The following LUZP2 variants were observed in gnomAD, a reference collection of about 807,000 sequenced individuals.
LUZP2 encodes leucine zipper protein 2.
LUZP2 carries 52 observed loss-of-function variants against 51.6 expected under a neutral mutation model. The observed-to-expected ratio is 1.01, with a 90% CI of 0.81 to 1.27. The LOEUF (loss-of-function observed/expected upper bound fraction) is 1.27. LUZP2 is among the 50% of genes most tolerant of loss of function. The probability of loss-of-function intolerance (pLI) is 0.00; values close to 1 mark genes in which losing one functional copy is unlikely to be tolerated. For synonymous variants in LUZP2, 154 were observed against 137.3 expected (o/e 1.12, Z -0.85); for missense variants, 436 against 395.4 (o/e 1.10, Z -0.87).
intron 9 of LUZP2, among the ~76,000 whole-genome samples, chr11:25,012,475 T>C (rs1857014454): frequency 6.6e-6 from 1 of 152,186 alleles, no homozygotes; most frequent in South Asian, 2.1e-4. Context: ...GATGCATTTT[T>C]ACTTCCTTCT....
intron 9 of LUZP2, among the ~76,000 whole-genome samples, chr11:24,985,411 T>G (rs1423296711): frequency 6.6e-6 from 1 of 151,682 alleles, no homozygotes; most frequent in Non-Finnish European, 1.5e-5. Context: ...ATAATATTCT[T>G]TCGAATATAT....
intron 5 of LUZP2, among the ~76,000 whole-genome samples, chr11:24,882,258 T>C (rs1042594662): frequency 6.6e-6 from 1 of 152,060 alleles, no homozygotes; most frequent in Non-Finnish European, 1.5e-5. Flanking sequence ...TTTTTAAAGT[T>C]CACAAGGTTT....
intron 5 of LUZP2, among the ~76,000 whole-genome samples, chr11:24,769,112 T>TTAA (rs1860303741): frequency 3.9e-5 from 6 of 152,160 alleles, no homozygotes; most frequent in Admixed American, 3.3e-4. Context: ...GAGGACATTG[T>TTAA]GTTAAGTGAA....
At chr11:24,514,208 G>C (rs952402312) in intron 1 of LUZP2, among the ~76,000 whole-genome samples, 4 of 152,108 alleles carry the variant, frequency 2.6e-5, no homozygotes, top group African/African-American at 7.2e-5. Flanking sequence ...GTAACTAGTT[G>C]GTTGTGTGTG....
intron 9 of LUZP2, among the ~76,000 whole-genome samples, chr11:25,047,631 T>C (rs1231386531): frequency 6.6e-6 from 1 of 151,994 alleles, no homozygotes; most frequent in Non-Finnish European, 1.5e-5. Context: ...TACTATTCAA[T>C]CTCTTCCATC....
In LUZP2 at chr11:24,984,524, TTATATA is replaced by T. The variant is rs1209500084; in HGVS notation, c.765+1252_765+1257del. ...TGTTTTTATATGTAAATTACATATT[TTATATA>T]TATATATATATATATATATAATTGT... is the stretch of plus-strand genomic sequence containing the variant. On this transcript the variant is annotated intron_variant, in intron 9 of 11. Transcript: ENST00000336930. 2.7e-3 allele frequency among the ~76,000 whole-genome samples: 242 copies of T among 90,054 alleles called. 5 individuals are homozygous for T. The highest frequency in any genetic ancestry group is 9.3e-3 in the African/African-American group (226 of 24,414). The allele number at this position is 90,054 out of a possible 152,430, so 59.1% of individuals were successfully genotyped here. A position where few individuals can be genotyped will look rare whatever the true frequency, so the allele number is the denominator to read the frequency against.
intron 1 of LUZP2, among the ~76,000 whole-genome samples, chr11:24,673,450 C>T (rs1032434271): frequency 2.0e-5 from 3 of 152,134 alleles, no homozygotes; most frequent in African/African-American, 7.2e-5. Context: ...CCTAGATGGT[C>T]CTTGCAGGGT....
At chr11:24,621,934 C>G (rs1256686400) in intron 1 of LUZP2, among the ~76,000 whole-genome samples, 2 of 150,584 alleles carry the variant, frequency 1.3e-5, no homozygotes, top group East Asian at 1.9e-4. Context: ...GTGAACACTG[C>G]AAAACACTCC....
chr11:24,682,627 T>TACAC (rs1856778711), intron 1 of LUZP2, among the ~76,000 whole-genome samples: 1 of 147,608 alleles, frequency 6.8e-6, no homozygotes, highest in East Asian at 2.0e-4. Context: ...TATATATATA[T>TACAC]ATACACATAT....
chr11:25,043,126 A>G (rs1403381756), intron 9 of LUZP2, among the ~76,000 whole-genome samples: 3 of 152,098 alleles, frequency 2.0e-5, no homozygotes, highest in Non-Finnish European at 4.4e-5. Context: ...TCGATTTGCG[A>G]TTTCTAGCTT....
At chr11:24,931,986 G>A (rs1854469768) in intron 7 of LUZP2, among the ~76,000 whole-genome samples, 1 of 152,194 alleles carries the variant, frequency 6.6e-6, no homozygotes, top group Non-Finnish European at 1.5e-5. Context: ...CCATAGGGAT[G>A]TGACTTCCTG....
intron 1 of LUZP2, among the ~76,000 whole-genome samples, chr11:24,545,436 G>C (rs1358254929): frequency 6.6e-6 from 1 of 151,684 alleles, no homozygotes; most frequent in Non-Finnish European, 1.5e-5. Context: ...AATCTATCTT[G>C]AGTTGATTCT....
chr11:25,032,914 A>G (rs1365685800), intron 9 of LUZP2, among the ~76,000 whole-genome samples: 1 of 152,206 alleles, frequency 6.6e-6, no homozygotes, highest in African/African-American at 2.4e-5. Flanking sequence ...AGATTTTGTT[A>G]AGAATCAAGA....
At chr11:24,688,574 G>GT (rs5790428) in intron 1 of LUZP2, among the ~76,000 whole-genome samples, 79,464 of 151,778 alleles carry the variant, frequency 0.52, 21,042 homozygotes, top group Middle Eastern at 0.61. Context: ...CAACTCCCAG[G>GT]TATGACCTTT....
intron 1 of LUZP2, among the ~76,000 whole-genome samples, chr11:24,550,060 C>G (rs1851679826): frequency 6.6e-6 from 1 of 151,946 alleles, no homozygotes; most frequent in South Asian, 2.1e-4. Flanking sequence ...TAGAAATATT[C>G]CTACAATTAT....
At chr11:24,833,702 C>CCAA (rs139583528) in intron 5 of LUZP2, among the ~76,000 whole-genome samples, 2 of 129,844 alleles carry the variant, frequency 1.5e-5, no homozygotes, top group Non-Finnish European at 3.3e-5. Context: ...ACGCCTGCCA[C>CCAA]CGCGCGCGCG....
At chr11:25,004,384 A>G (rs1450592717) in intron 9 of LUZP2, among the ~76,000 whole-genome samples, 3 of 152,130 alleles carry the variant, frequency 2.0e-5, no homozygotes, top group African/African-American at 7.2e-5. Flanking sequence ...CCTGAAGGCT[A>G]TGACAAAGGC....
chr11:24,637,268 A>G (rs1440270046), intron 1 of LUZP2, among the ~76,000 whole-genome samples: 1 of 151,722 alleles, frequency 6.6e-6, no homozygotes, highest in Admixed American at 6.6e-5. Flanking sequence ...CCAAATTAAT[A>G]CTTTTATAAT....
At chr11:24,682,953 G>T (rs995709027) in intron 1 of LUZP2, among the ~76,000 whole-genome samples, 1 of 152,080 alleles carries the variant, frequency 6.6e-6, no homozygotes, top group African/African-American at 2.4e-5. Flanking sequence ...GCAGTGAGCC[G>T]AGATCAGCTT....
Sources: allele counts gnomAD v4.1 joint callset (sites outside exome capture counted in the v4.1 genomes callset), GRCh38; gene constraint gnomAD v4.1.1; transcripts MANE v1.5; gene names NCBI Gene and HGNC (gene_info 2026-07-23, HGNC 2026-07-21).